PRKAR1A: variants seen among roughly 807,000 people sequenced by gnomAD.
PRKAR1A encodes protein kinase cAMP-dependent type I regulatory subunit alpha, also known as cAMP-dependent protein kinase type I-alpha regulatory subunit.
PRKAR1A carries 3 observed loss-of-function variants against 52.0 expected under a neutral mutation model. The observed-to-expected ratio is 0.06, with a 90% CI of 0.03 to 0.15. The LOEUF (loss-of-function observed/expected upper bound fraction) is 0.15. PRKAR1A is among the 10% of genes least tolerant of loss of function. The probability of loss-of-function intolerance (pLI) is 1.00; values close to 1 mark genes in which losing one functional copy is unlikely to be tolerated. For synonymous variants in PRKAR1A, 188 were observed against 168.4 expected (o/e 1.12, Z -0.90); for missense variants, 240 against 477.4 (o/e 0.50, Z 4.63).
the PRKAR1A span, among the ~76,000 whole-genome samples, chr17:68,486,521 CTT>C: frequency 6.8e-4 from 66 of 96,994 alleles, 2 homozygotes; most frequent in Non-Finnish European, 1.3e-3. Context: ...TTCTTTCTTT[CTT>C]TCTTTCTTTC....
the PRKAR1A span, among the ~76,000 whole-genome samples, chr17:68,465,972 T>C: frequency 1.1e-4 from 16 of 152,222 alleles, no homozygotes; most frequent in African/African-American, 3.4e-4. Context: ...GGAGGTAGAA[T>C]GTATAGGACT....
the PRKAR1A span, chr17:68,420,866 T>C: frequency 2.7e-5 from 5 of 187,806 alleles, no homozygotes; most frequent in South Asian, 4.5e-4. Context: ...TTTCTCTGGT[T>C]CCCAGTTTCT....
chr17:68,515,673 ATC>A (rs1447213971), intron 2 of PRKAR1A, 97 bp downstream of exon 2: 5 of 1,367,912 alleles, frequency 3.7e-6, no homozygotes, highest in Non-Finnish European at 5.1e-6. Context: ...AAGAAAAGGA[ATC>A]TGACTAAATA....
At chr17:68,450,593 C>T in the PRKAR1A span, 1 of 1,194,494 alleles carries the variant, frequency 8.4e-7, no homozygotes, top group Non-Finnish European at 1.2e-6. Context: ...ACCCCCGGGA[C>T]ACGGGGCCTG....
At chr17:68,518,267 T>C in intron 2 of PRKAR1A, among the ~76,000 whole-genome samples, 1 of 152,154 alleles carries the variant, frequency 6.6e-6, no homozygotes, top group Non-Finnish European at 1.5e-5. Flanking sequence ...AGTGCTGCAG[T>C]GGGGACTCGG....
chr17:68,516,071 A>C (rs926666395), intron 2 of PRKAR1A, among the ~76,000 whole-genome samples: 19 of 152,186 alleles, frequency 1.2e-4, no homozygotes, highest in African/African-American at 4.3e-4. Context: ...TTTAGTATAG[A>C]GTATATCTGA....
the PRKAR1A span, among the ~76,000 whole-genome samples, chr17:68,419,808 A>AT: frequency 6.6e-6 from 1 of 151,256 alleles, no homozygotes; most frequent in East Asian, 1.9e-4. Context: ...AAAAAAAAAA[A>AT]AAAGTTGGGC....
At chr17:68,529,372 T>C (rs960969484) in intron 9 of PRKAR1A, among the ~76,000 whole-genome samples, 2 of 152,234 alleles carry the variant, frequency 1.3e-5, no homozygotes, top group African/African-American at 4.8e-5. Context: ...GAAAAATTAC[T>C]GTGTTTGTAT....
chr17:68,515,001 C>G (rs2085384327), intron 1 of PRKAR1A: 7 of 281,592 alleles, frequency 2.5e-5, no homozygotes, highest in South Asian at 2.1e-4. Flanking sequence ...CTTTTGTGCC[C>G]TGGTAATTCT....
At chr17:68,422,309 C>G in the PRKAR1A span, 3 of 160,078 alleles carry the variant, frequency 1.9e-5, no homozygotes, top group Non-Finnish European at 4.1e-5. Flanking sequence ...CACCTGTAAT[C>G]CCAGCTACTC....
At chr17:68,519,626 A>G (rs1296792400) in intron 2 of PRKAR1A, among the ~76,000 whole-genome samples, 1 of 152,202 alleles carries the variant, frequency 6.6e-6, no homozygotes, top group African/African-American at 2.4e-5. Context: ...CTTCTTCGTC[A>G]TTACTGGGGG....
At position 68,539,871 on chromosome 17, in the gene PRKAR1A, G is replaced by A. The variant is rs370751691; in HGVS notation, c.973+9870G>A. 4.2e-5 allele frequency: 68 copies of A among 1,613,010 alleles called. No homozygotes were observed. The highest frequency in any genetic ancestry group is 5.5e-5 in the South Asian group (5 of 91,000). On this transcript the variant is annotated intron_variant, in intron 11 of 11. Coordinates refer to the PRKAR1A transcript ENST00000585981. ...TGGGAGAGGGGATTGTTGAACACAC[G>A]TGGGGAAGCTCACCCTCTGGCGTTG...
chr17:68,486,486 CTTCCTTCCTTCCTTCCTTCCTTCT>C, the PRKAR1A span, among the ~76,000 whole-genome samples: 140 of 58,158 alleles, frequency 2.4e-3, no homozygotes, highest in African/African-American at 3.0e-3. Context: ...TCCTTCCTTC[CTTCCTTCCTTCCTTCCTTCCTTCT>C]TTCTTTCTTT....
chr17:68,486,506 C>CTTTCT, the PRKAR1A span, among the ~76,000 whole-genome samples: 24 of 48,258 alleles, frequency 5.0e-4, no homozygotes, highest in African/African-American at 8.7e-4. Context: ...TCCTTCCTTC[C>CTTTCT]TTCTTTCTTT....
the PRKAR1A span, chr17:68,452,903 C>T: frequency 1.2e-6 from 2 of 1,613,264 alleles, no homozygotes; most frequent in Non-Finnish European, 1.7e-6. Flanking sequence ...CTCTCACACA[C>T]ACTTACTGCT....
chr17:68,532,609 A>G lies in PRKAR1A; in HGVS notation c.*2160A>G. 9.4e-7 allele frequency: 1 copy of G among 1,066,236 alleles called. No homozygotes were observed. 66.0% of individuals were successfully genotyped at this position (1,066,236 alleles called of 1,614,324 possible). ...TGGGCTTGGTAAGTGAATTTATGAGATTTACTGCTCTAGAAAGTATAGATG... is the reference window on the plus strand; with the variant it reads ...TGGGCTTGGTAAGTGAATTTATGAGGTTTACTGCTCTAGAAAGTATAGATG... On this transcript the variant is annotated 3_prime_UTR_variant, in exon 11 of 11. Coordinates refer to ENST00000589228, the MANE Select transcript of PRKAR1A (RefSeq NM_002734.5).
At chr17:68,457,301 C>T in the PRKAR1A span, 1 of 1,537,084 alleles carries the variant, frequency 6.5e-7, no homozygotes, top group Admixed American at 2.0e-5. Context: ...TCCTGACACT[C>T]TGTCCCCCAC....
At chr17:68,445,617 G>A in the PRKAR1A span, among the ~76,000 whole-genome samples, 79 of 152,220 alleles carry the variant, frequency 5.2e-4, no homozygotes, top group African/African-American at 1.6e-3. Context: ...CTCTCCACAT[G>A]AAAGCTTGTC....
downstream of PRKAR1A, chr17:68,536,197 G>A (rs1477692465): frequency 2.2e-6 from 1 of 454,062 alleles, no homozygotes; most frequent in Admixed American, 2.3e-5. Flanking sequence ...AGACATTTCT[G>A]GTTCTTGACC....
Sources: allele counts gnomAD v4.1 joint callset (sites outside exome capture counted in the v4.1 genomes callset), GRCh38; gene constraint gnomAD v4.1.1; transcripts MANE v1.5; gene names NCBI Gene and HGNC (gene_info 2026-07-23, HGNC 2026-07-21).